The following GAB1 variants were observed in gnomAD, a reference collection of about 807,000 sequenced individuals.
GAB1 encodes the protein GRB2-associated-binding protein 1.
In GAB1, 19 loss-of-function variants were observed where a neutral mutation model predicts 66.5. The ratio of observed to expected loss-of-function variants is 0.29; its 90% CI spans 0.20 to 0.42. The LOEUF (loss-of-function observed/expected upper bound fraction) is 0.42, where lower values mean the gene tolerates loss of function less well. Among genes scored for constraint, GAB1 ranks in the 10% least tolerant of loss-of-function variants. The probability of loss-of-function intolerance (pLI) is 1.00; values close to 1 mark genes in which losing one functional copy is unlikely to be tolerated. For synonymous variants in GAB1, 294 were observed against 301.4 expected, an observed-to-expected ratio of 0.98 and a Z score of 0.25; for missense variants, 732 against 858.5, an observed-to-expected ratio of 0.85 and a Z score of 1.84.
At chr4:143,465,756 A>T (rs1419157511) in intron 8 of GAB1, among the ~76,000 whole-genome samples, 2 of 152,178 alleles carry the variant, frequency 1.3e-5, no homozygotes, top group South Asian at 2.1e-4. Flanking sequence ...AAGTTTTTTT[A>T]AAATTTAACT....
At chr4:143,459,887 A>G (rs1212781886) in intron 7 of GAB1, among the ~76,000 whole-genome samples, 1 of 152,222 alleles carries the variant, frequency 6.6e-6, no homozygotes, top group Non-Finnish European at 1.5e-5. Context: ...GAAACCAAAA[A>G]GTACTGAGGA....
chr4:143,459,455 C>A lies in GAB1; in HGVS notation c.1656C>A (p.Pro552=). The A allele has an allele frequency of 6.3e-7, 1 of 1,596,866 alleles. No individual in the cohort carries two copies. Among genetic ancestry groups the A allele is most frequent in the Non-Finnish European group, 8.6e-7 (1 of 1,164,488 alleles). Residue 552 remains proline, a synonymous_variant, in exon 7 of 10, where the codon CCC becomes CCA. Coordinates refer to ENST00000262994, the MANE Select transcript of GAB1 (RefSeq NM_002039.4). ...WEELQAPVRS[P]ITRSFARDSS... Reference sequence around the variant, plus strand: ...AATTACAAGCCCCAGTTAGATCTCCCATCACTAGGAGTTTTGCTCGAGAGT... The same window carrying A: ...AATTACAAGCCCCAGTTAGATCTCCAATCACTAGGAGTTTTGCTCGAGAGT...
intron 1 of GAB1, among the ~76,000 whole-genome samples, chr4:143,400,486 T>C (rs1009699457): frequency 6.6e-6 from 1 of 152,184 alleles, no homozygotes; most frequent in Non-Finnish European, 1.5e-5. Context: ...GGAGCTGGAG[T>C]TGGGGCTTCA....
chr4:143,374,729 C>T (rs75249399), intron 1 of GAB1, among the ~76,000 whole-genome samples: 4,092 of 152,192 alleles, frequency 0.027, 86 homozygotes, highest in African/African-American at 0.057. Context: ...TAGTTTTTAC[C>T]GTTGTCCTGG....
intron 1 of GAB1, among the ~76,000 whole-genome samples, chr4:143,350,961 A>G (rs146713256): frequency 1.3e-5 from 2 of 152,056 alleles, no homozygotes; most frequent in African/African-American, 2.4e-5. Flanking sequence ...AGGGCATGCA[A>G]TGGGGATGTG....
intron 1 of GAB1, among the ~76,000 whole-genome samples, chr4:143,351,549 G>T (rs1729224463): frequency 2.0e-5 from 3 of 152,138 alleles, no homozygotes; most frequent in Admixed American, 2.0e-4. Context: ...GGTGGTCTTG[G>T]AAAGGTGACC....
chr4:143,388,106 A>T (rs1231744984), intron 1 of GAB1, among the ~76,000 whole-genome samples: 2 of 152,268 alleles, frequency 1.3e-5, no homozygotes, highest in East Asian at 1.9e-4. Context: ...CAACCTAAGG[A>T]TAAGCGCTCC....
At chr4:143,374,264 A>T (rs1730317868) in intron 1 of GAB1, among the ~76,000 whole-genome samples, 1 of 152,102 alleles carries the variant, frequency 6.6e-6, no homozygotes, top group Non-Finnish European at 1.5e-5. Context: ...TCAGAATGTG[A>T]TTAAACAAGT....
chr4:143,364,867 ACTTTTT>A (rs1729811266), intron 1 of GAB1, among the ~76,000 whole-genome samples: 1 of 119,510 alleles, frequency 8.4e-6, no homozygotes, highest in Non-Finnish European at 1.7e-5. Context: ...CCCTGCATCT[ACTTTTT>A]TTTTTTTTTT....
intron 1 of GAB1, among the ~76,000 whole-genome samples, chr4:143,348,272 C>A (rs1729051763): frequency 6.6e-6 from 1 of 152,198 alleles, no homozygotes; most frequent in African/African-American, 2.4e-5. Context: ...TCTTTCTCAG[C>A]CCATTTCTCA....
Position 143,440,280 on chromosome 4 carries a change from A to G in GAB1, c.1483A>G (p.Met495Val). 6.2e-7 allele frequency: 1 copy of G among 1,614,118 alleles called. No individual in the cohort carries two copies. ...AATGCAAGTTCCTCCTCCTGCTCAT[A>G]TGGGCTTCAGGTCCAGCCCAAAAAC... The part of the protein sequence containing the change: ...FGMQVPPPAH[M>V]GFRSSPKTPP... The change falls in exon 6 of 10, where the codon ATG (methionine) becomes GTG (valine). Residue 495 changes from methionine (M) to valine (V), a missense_variant. Physicochemically the swap from Met to Val is conservative, Grantham distance 21 (BLOSUM62 1). Transcript: ENST00000262994.
At chr4:143,439,352 A>G (rs780199883) in intron 4 of GAB1, among the ~76,000 whole-genome samples, 81 of 152,212 alleles carry the variant, frequency 5.3e-4, no homozygotes, top group Admixed American at 1.2e-3. Flanking sequence ...TTCCTCAGCT[A>G]TCTCCAAGAT....
At position 143,374,586 on chromosome 4, in the gene GAB1, TG is replaced by T. The variant is rs767701565; in HGVS notation, c.72+37327del. On this transcript the variant is annotated intron_variant, in intron 1 of 9. Coordinates refer to ENST00000262994, the MANE Select transcript of GAB1 (RefSeq NM_002039.4). ...CTTTTGACGATAGCTGACTTTTAGT[TG>T]ACTAAAAAAGTAGTAGTCATAGTTA... is the stretch of plus-strand genomic sequence containing the variant. Among the ~76,000 whole-genome samples, 196 of 152,346 alleles carry T rather than the reference TG, an allele frequency of 1.3e-3. 1 individual carries two copies. Among genetic ancestry groups the T allele is most frequent in the Middle Eastern group, 0.01 (3 of 294 alleles).
chr4:143,388,207 C>T (rs530445961), intron 1 of GAB1, among the ~76,000 whole-genome samples: 2 of 151,952 alleles, frequency 1.3e-5, no homozygotes, highest in Non-Finnish European at 2.9e-5. Context: ...ATAGTTATTC[C>T]ATGTATGTTT....
chr4:143,353,512 T>A (rs1333642689), intron 1 of GAB1, among the ~76,000 whole-genome samples: 3 of 152,104 alleles, frequency 2.0e-5, no homozygotes, highest in African/African-American at 7.2e-5. Flanking sequence ...CAGGTGGGAA[T>A]GGTTACTTAA....
intron 6 of GAB1, among the ~76,000 whole-genome samples, chr4:143,444,641 G>A (rs776541033): frequency 6.6e-6 from 1 of 151,922 alleles, no homozygotes; most frequent in Admixed American, 6.6e-5. Flanking sequence ...GTTTTAGGGG[G>A]GTGCATGTGC....
chr4:143,437,859 G>A (rs1328224848), intron 3 of GAB1, 140 bp from the exon 4 acceptor site: 2 of 817,412 alleles, frequency 2.4e-6, no homozygotes, highest in African/African-American at 1.7e-5. Flanking sequence ...AAGAACATTT[G>A]TGCTTTAAAT....
rs1455559114 is a variant in GAB1, at chr4:143,469,863, G to A, written c.*674G>A. On this transcript the variant is annotated 3_prime_UTR_variant, in exon 10 of 10. Transcript: ENST00000262994. Reference sequence around the variant, plus strand: ...ATTGAGTGAAGATTCTGCCGGGTGGGATCTTGCACCTTTGAAAGACTGAAT... The same window carrying A: ...ATTGAGTGAAGATTCTGCCGGGTGGAATCTTGCACCTTTGAAAGACTGAAT... 2 of 152,660 alleles carry A rather than the reference G, an allele frequency of 1.3e-5. No individual in the cohort carries two copies. Among genetic ancestry groups the A allele is most frequent in the Non-Finnish European group, 2.9e-5 (2 of 68,076 alleles). The allele number at this position is 152,660 out of a possible 1,614,324, so 9.5% of individuals were successfully genotyped here. A position where few individuals can be genotyped will look rare whatever the true frequency, so the allele number is the denominator to read the frequency against.
chr4:143,400,321 T>A (rs1731704096), intron 1 of GAB1, among the ~76,000 whole-genome samples: 1 of 151,752 alleles, frequency 6.6e-6, no homozygotes, highest in African/African-American at 2.4e-5. Flanking sequence ...GATGGTAGAG[T>A]GTGAAAAGGG....
Sources: allele counts gnomAD v4.1 joint callset (sites outside exome capture counted in the v4.1 genomes callset), GRCh38; gene constraint gnomAD v4.1.1; transcripts MANE v1.5; gene names NCBI Gene and HGNC (gene_info 2026-07-23, HGNC 2026-07-21).